ABAT: variants seen among roughly 807,000 people sequenced by gnomAD.
ABAT encodes 4-aminobutyrate aminotransferase.
A neutral mutation model predicts 64.6 loss-of-function variants in ABAT; 45 were observed. The observed-to-expected ratio is 0.70, with a 90% CI of 0.55 to 0.89. The LOEUF (loss-of-function observed/expected upper bound fraction) is 0.89. Ranked by LOEUF, ABAT falls within the 40% of genes least tolerant of loss-of-function variation. The pLI is 0.00. For synonymous variants in ABAT, 297 were observed against 250.5 expected (o/e 1.19, Z -1.75); for missense variants, 633 against 658.4 (o/e 0.96, Z 0.42).
chr16:8,677,592 G>A (rs1641106), intron 1 of ABAT, among the ~76,000 whole-genome samples: 12,434 of 152,060 alleles, frequency 0.082, 645 homozygotes, highest in Middle Eastern at 0.13. Context: ...CTTTGTTGTG[G>A]GACTCCCCTG....
chr16:8,738,610 G>GTTTTTTTTTT (rs1481834240), intron 2 of ABAT, among the ~76,000 whole-genome samples: 5 of 122,048 alleles, frequency 4.1e-5, no homozygotes, highest in South Asian at 2.7e-4. Flanking sequence ...TTTTGTTTTT[G>GTTTTTTTTTT]TTTTTGTTTT....
At chr16:8,695,010 C>G (rs934730094) in intron 1 of ABAT, among the ~76,000 whole-genome samples, 1 of 152,242 alleles carries the variant, frequency 6.6e-6, no homozygotes, top group Admixed American at 6.5e-5. Flanking sequence ...TGGCAGCATT[C>G]TGCTGGAGCC....
chr16:8,773,447 T>G (rs1019558122), intron 12 of ABAT, among the ~76,000 whole-genome samples: 5 of 147,894 alleles, frequency 3.4e-5, no homozygotes. Flanking sequence ...CCACCACACT[T>G]GGCCTTAAAA....
At chr16:8,763,761 C>T (rs1162586416) in intron 6 of ABAT, among the ~76,000 whole-genome samples, 1 of 152,168 alleles carries the variant, frequency 6.6e-6, no homozygotes, top group Admixed American at 6.5e-5. Flanking sequence ...CGGGAAGTTG[C>T]AAAAACCAGT....
At chr16:8,711,875 G>C (rs2058086019) in intron 1 of ABAT, among the ~76,000 whole-genome samples, 1 of 152,110 alleles carries the variant, frequency 6.6e-6, no homozygotes, top group African/African-American at 2.4e-5. Context: ...GAGAAGGATA[G>C]ATGGATGAAT....
intron 9 of ABAT, among the ~76,000 whole-genome samples, chr16:8,766,779 G>T (rs1343027776): frequency 6.6e-6 from 1 of 152,198 alleles, no homozygotes; most frequent in African/African-American, 2.4e-5. Flanking sequence ...GACCAGCCTG[G>T]CCAATATGGC....
At chr16:8,748,440 T>C (rs977399585) in intron 4 of ABAT, among the ~76,000 whole-genome samples, 6 of 152,224 alleles carry the variant, frequency 3.9e-5, no homozygotes, top group African/African-American at 1.4e-4. Context: ...GAGCCTTTTT[T>C]TATGGCCTAG....
chr16:8,781,484 G>T lies in ABAT; in HGVS notation c.*54G>T. ...CCCGGATCCCAACAGTTGTCAAATT[G>T]ATTAGTTTGCCTAATTCATGTTTTC... On this transcript the variant is annotated 3_prime_UTR_variant, in exon 16 of 16. Coordinates refer to ENST00000268251, the MANE Select transcript of ABAT (RefSeq NM_020686.6). The surrounding 1 kb of genome is among the most constrained non-coding windows in gnomAD (Gnocchi z 4.5). The T allele has an allele frequency of 6.3e-7, 1 of 1,579,198 alleles. No individual in the cohort carries two copies. The highest frequency in any genetic ancestry group is 2.3e-5 in the East Asian group (1 of 42,808).
At position 8,781,630 on chromosome 16, in the gene ABAT, G is replaced by A. The variant is rs2060442306; in HGVS notation, c.*200G>A. 1.4e-6 allele frequency: 1 copy of A among 690,906 alleles called. No individual in the cohort carries two copies. The highest frequency in any genetic ancestry group is 2.9e-5 in the East Asian group (1 of 33,900). 42.8% of individuals were successfully genotyped at this position (690,906 alleles called of 1,614,324 possible). ...TGGTGTTGATTTTCCTCCCTGCAGA[G>A]CCAATGGTGCACATTGGTTTAAGCC... On this transcript the variant is annotated 3_prime_UTR_variant, in exon 16 of 16. Coordinates refer to ENST00000268251, the MANE Select transcript of ABAT (RefSeq NM_020686.6). This position sits in a 1 kb window ranked among gnomAD's most constrained non-coding sequence, Gnocchi z 4.5.
intron 11 of ABAT, among the ~76,000 whole-genome samples, chr16:8,770,630 C>T (rs1049479321): frequency 1.3e-5 from 2 of 151,944 alleles, no homozygotes; most frequent in African/African-American, 4.8e-5. Context: ...TTTGCAGAAA[C>T]AGGTTTTGCC....
At chr16:8,769,860 G>C (rs959950252) in intron 11 of ABAT, among the ~76,000 whole-genome samples, 2 of 152,170 alleles carry the variant, frequency 1.3e-5, no homozygotes, top group African/African-American at 4.8e-5. Context: ...TTTGGGTATA[G>C]ATTTGAACTC....
At chr16:8,772,629 G>T (rs2060146215) in intron 11 of ABAT, 151 bp from the exon 12 acceptor site, 3 of 1,085,926 alleles carry the variant, frequency 2.8e-6, no homozygotes, top group South Asian at 2.6e-5. Flanking sequence ...CACACACATA[G>T]CTTCTAACAG....
At chr16:8,766,598 T>C (rs545068214) in intron 9 of ABAT, among the ~76,000 whole-genome samples, 258 of 149,576 alleles carry the variant, frequency 1.7e-3, no homozygotes, top group African/African-American at 5.9e-3. Context: ...GAGGTTGCAG[T>C]GAGCCGAGAT....
intron 1 of ABAT, among the ~76,000 whole-genome samples, chr16:8,686,047 G>A (rs993280832): frequency 6.6e-6 from 1 of 152,194 alleles, no homozygotes; most frequent in African/African-American, 2.4e-5. Context: ...GTTTTAGAAC[G>A]TGGAAGCTCC....
Position 8,764,683 on chromosome 16 carries a change from C to G in ABAT, c.448-55C>G. ...AAGATTCAGCTCCAGCCAGGGGAAG[C>G]GGGAGGACAGGAGTCATGATGAGCC... On this transcript the variant is annotated intron_variant, in intron 7 of 15. Coordinates refer to ENST00000268251, the MANE Select transcript of ABAT (RefSeq NM_020686.6). This position sits in a 1 kb window ranked among gnomAD's most constrained non-coding sequence, Gnocchi z 4.2. The G allele has an allele frequency of 6.6e-7, 1 of 1,507,368 alleles. No homozygotes were observed. Among genetic ancestry groups the G allele is most frequent in the Non-Finnish European group, 9.2e-7 (1 of 1,083,546 alleles). The allele number at this position is 1,507,368 out of a possible 1,614,324, so 93.4% of individuals were successfully genotyped here. A position where few individuals can be genotyped will look rare whatever the true frequency, so the allele number is the denominator to read the frequency against.
intron 2 of ABAT, among the ~76,000 whole-genome samples, chr16:8,738,032 G>GCAAAGAAAGAAA (rs1567295886): frequency 1.3e-5 from 1 of 78,348 alleles, no homozygotes; most frequent in African/African-American, 6.5e-5. Flanking sequence ...AAAGAAAGAA[G>GCAAAGAAAGAAA]GACAGACAGA....
chr16:8,735,945 G>C, intron 2 of ABAT, 136 bp downstream of exon 2: 1 of 750,698 alleles, frequency 1.3e-6, no homozygotes, highest in Non-Finnish European at 2.3e-6. Context: ...CACTGTATTA[G>C]TCTGTTCTCA....
intron 2 of ABAT, among the ~76,000 whole-genome samples, chr16:8,742,583 G>C (rs576078881): frequency 1.3e-5 from 2 of 152,168 alleles, no homozygotes; most frequent in Admixed American, 6.5e-5. Flanking sequence ...AAAAAACTAG[G>C]GCCGGGTACG....
intron 11 of ABAT, among the ~76,000 whole-genome samples, chr16:8,771,468 C>CT (rs144671840): frequency 2.0e-4 from 26 of 130,048 alleles, no homozygotes; most frequent in Non-Finnish European, 2.6e-4. Flanking sequence ...GTTTTTCTTT[C>CT]TTTTTTTTTT....
Sources: allele counts gnomAD v4.1 joint callset (sites outside exome capture counted in the v4.1 genomes callset), GRCh38; gene constraint gnomAD v4.1.1; non-coding constraint Gnocchi (gnomAD v3.1); transcripts MANE v1.5; gene names NCBI Gene and HGNC (gene_info 2026-07-23, HGNC 2026-07-21).